Variants in METTL14 observed in about 807,000 individuals in gnomAD.
METTL14 encodes the protein N(6)-adenosine-methyltransferase non-catalytic subunit METTL14.
A neutral mutation model predicts 62.4 loss-of-function variants in METTL14; 32 were observed. The observed-to-expected ratio is 0.51, with a 90% CI of 0.39 to 0.69. The LOEUF is 0.69. Among genes scored for constraint, METTL14 ranks in the 30% least tolerant of loss-of-function variants. The pLI is 0.00. For missense variants in METTL14, 340 were observed against 551.9 expected (o/e 0.62, Z 3.85); for synonymous variants, 150 against 180.0 (o/e 0.83, Z 1.34).
chr4:118,693,227 CCT>C, intron 5 of METTL14, among the ~76,000 whole-genome samples: 1 of 152,208 alleles, frequency 6.6e-6, no homozygotes, highest in African/African-American at 2.4e-5. Context: ...TTTGCATTTG[CCT>C]AGTGACTAAT....
Position 118,714,275 on chromosome 4 carries a change from A to C in METTL14, c.*3973A>C, listed in dbSNP as rs186112810. 59 of 152,322 alleles carry C rather than the reference A, an allele frequency of 3.9e-4. No homozygotes were observed. Among genetic ancestry groups the C allele is most frequent in the African/African-American group, 1.3e-3 (53 of 41,576 alleles). The allele number at this position is 152,322 out of a possible 1,614,324, so 9.4% of individuals were successfully genotyped here. On this transcript the variant is annotated 3_prime_UTR_variant, in exon 11 of 11. Coordinates refer to ENST00000388822, the MANE Select transcript of METTL14 (RefSeq NM_020961.4). The stretch of plus-strand genomic sequence containing the variant: ...TTTTCTCACTTTGATGAGTTCTCTC[A>C]ACTCCTTTCTAAGAAAAGCAGAGCA...
chr4:118,709,146 AAAG>A (rs1724846733), intron 10 of METTL14, among the ~76,000 whole-genome samples: 1 of 152,252 alleles, frequency 6.6e-6, no homozygotes, highest in Non-Finnish European at 1.5e-5. Context: ...ACAGGATAGA[AAAG>A]AAAATAATAT....
At chr4:118,697,839 G>T (rs1256122905) in intron 7 of METTL14, among the ~76,000 whole-genome samples, 2 of 152,000 alleles carry the variant, frequency 1.3e-5, no homozygotes, top group African/African-American at 4.8e-5. Context: ...TGGGTAGATG[G>T]GACATAGGAA....
At chr4:118,691,317 T>TA (rs1210557506) in intron 3 of METTL14, among the ~76,000 whole-genome samples, 4 of 152,300 alleles carry the variant, frequency 2.6e-5, no homozygotes, top group African/African-American at 4.8e-5. Context: ...AAATAGTAGT[T>TA]ACAGTAATTA....
chr4:118,692,386 G>A (rs976459733), intron 5 of METTL14, among the ~76,000 whole-genome samples: 19 of 151,612 alleles, frequency 1.3e-4, no homozygotes, highest in African/African-American at 4.1e-4. Flanking sequence ...CCCCCACCGT[G>A]CCTAGATAAT....
chr4:118,688,094 A>C, intron 2 of METTL14, 83 bp downstream of exon 2: 1 of 1,102,510 alleles, frequency 9.1e-7, no homozygotes, highest in South Asian at 1.4e-5. Context: ...GGAGTACAGT[A>C]GCATGATTAT....
intron 4 of METTL14, 72 bp downstream of exon 4, chr4:118,691,684 C>A: frequency 1.4e-6 from 1 of 716,246 alleles, no homozygotes; most frequent in South Asian, 2.1e-5. Context: ...TTTTAAATAC[C>A]TGTTTGTCTT....
At position 118,685,543 on chromosome 4, in the gene METTL14, C is replaced by T. The variant is rs150512311; in HGVS notation, c.9C>T (p.Ser3=). The part of the protein sequence containing the change: MD[S]RLQEIRERQK... The stretch of plus-strand genomic sequence containing the variant: ...AAAGCCGGAGTTGGAACATGGATAG[C>T]CGCTTGCAGGAGATCCGGGAGCGGC... The change falls in exon 1 of 11, where the codon AGC becomes AGT. Residue 3 remains serine (S), a synonymous_variant. Transcript: ENST00000388822. 91 of 1,614,006 alleles carry T rather than the reference C, an allele frequency of 5.6e-5. No homozygotes were observed. The highest frequency in any genetic ancestry group is 7.4e-5 in the Non-Finnish European group (87 of 1,180,026).
chr4:118,702,117 T>TG (rs1360549557), intron 8 of METTL14, among the ~76,000 whole-genome samples: 163 of 145,470 alleles, frequency 1.1e-3, no homozygotes, highest in African/African-American at 3.9e-3. Context: ...AAGGTTTTTA[T>TG]CTTTTTTTTT....
At chr4:118,707,391 C>G (rs1474291182) in intron 10 of METTL14, among the ~76,000 whole-genome samples, 2 of 152,080 alleles carry the variant, frequency 1.3e-5, no homozygotes, top group Non-Finnish European at 2.9e-5. Context: ...TGGCCAGGCA[C>G]TGTGACTCAA....
chr4:118,695,860 C>T (rs1724393096), intron 6 of METTL14, among the ~76,000 whole-genome samples: 1 of 151,526 alleles, frequency 6.6e-6, no homozygotes, highest in Non-Finnish European at 1.5e-5. Flanking sequence ...ACCTATAATC[C>T]CAGCACTTTG....
chr4:118,697,774 G>A (rs528336264), intron 7 of METTL14, among the ~76,000 whole-genome samples: 3 of 152,278 alleles, frequency 2.0e-5, no homozygotes, highest in Admixed American at 2.0e-4. Context: ...TTACAATTTT[G>A]TTGATTAAAC....
rs1276253633 is a variant in METTL14 at position 118,711,550 on chromosome 4, A to C, written c.*1248A>C. On this transcript the variant is annotated 3_prime_UTR_variant, in exon 11 of 11. Coordinates refer to ENST00000388822, the MANE Select transcript of METTL14 (RefSeq NM_020961.4). ...TTCTTTTGGTCTGTGATGGATTTTA[A>C]TGGCCGTTCTGTGCTCATATATACC... 6.6e-6 allele frequency: 1 copy of C among 152,190 alleles called. No individual in the cohort carries two copies. The highest frequency in any genetic ancestry group is 1.9e-4 in the East Asian group (1 of 5,200). The allele number at this position is 152,190 out of a possible 1,614,324, so 9.4% of individuals were successfully genotyped here.
chr4:118,703,658 G>A (rs985566591), intron 8 of METTL14, among the ~76,000 whole-genome samples: 3 of 152,196 alleles, frequency 2.0e-5, no homozygotes, highest in African/African-American at 7.2e-5. Context: ...ACAATAGAAT[G>A]TAGAATTGGG....
chr4:118,691,493 CT>C (rs766213433), intron 3 of METTL14, 38 bp from the exon 4 acceptor site: 83 of 1,130,320 alleles, frequency 7.3e-5, no homozygotes, highest in Non-Finnish European at 1.0e-4. Flanking sequence ...GAAATAACCC[CT>C]ATTTGTAAAA....
Position 118,711,839 on chromosome 4 carries a change from G to A in METTL14, c.*1537G>A, listed in dbSNP as rs1460019953. ...CAGGATAGAGAAATTCCACTTGCCT[G>A]TGATGGGTCCTTAGAAGTATCAGCT... On this transcript the variant is annotated 3_prime_UTR_variant, in exon 11 of 11. Transcript: ENST00000388822. 6.6e-6 allele frequency: 1 copy of A among 152,156 alleles called. No individual in the cohort carries two copies. Among genetic ancestry groups the A allele is most frequent in the Non-Finnish European group, 1.5e-5 (1 of 68,034 alleles). 9.4% of individuals were successfully genotyped at this position (152,156 alleles called of 1,614,324 possible).
At chr4:118,700,521 T>C (rs1434742040) in intron 7 of METTL14, 29 bp from the exon 8 acceptor site, 3 of 1,546,914 alleles carry the variant, frequency 1.9e-6, no homozygotes, top group Non-Finnish European at 2.7e-6. Flanking sequence ...CAAAATACTT[T>C]TATGCAATAT....
intron 2 of METTL14, 32 bp downstream of exon 2, chr4:118,688,043 T>TC (rs776786178): frequency 4.0e-6 from 6 of 1,488,794 alleles, no homozygotes; most frequent in Non-Finnish European, 5.6e-6. Context: ...TTTTTTTTTT[T>TC]TGAGACAGGG....
intron 1 of METTL14, 62 bp downstream of exon 1, chr4:118,685,662 C>T (rs1357115646): frequency 2.2e-6 from 3 of 1,382,552 alleles, no homozygotes; most frequent in East Asian, 2.5e-5. Flanking sequence ...GCCGCCTCCT[C>T]CCTCCACACC....
Sources: allele counts gnomAD v4.1 joint callset (sites outside exome capture counted in the v4.1 genomes callset), GRCh38; gene constraint gnomAD v4.1.1; transcripts MANE v1.5; gene names NCBI Gene and HGNC (gene_info 2026-07-23, HGNC 2026-07-21).